Variants in SULF2 observed in about 807,000 individuals in gnomAD.
SULF2 encodes sulfatase 2.
In SULF2, 52 loss-of-function variants were observed where a neutral mutation model predicts 107.7. The observed-to-expected ratio is 0.48, with a 90% CI of 0.39 to 0.61. SULF2 has a LOEUF of 0.61. SULF2 is among the 20% of genes least tolerant of loss of function. The pLI is 0.00. For synonymous variants in SULF2, 460 were observed against 464.3 expected, an observed-to-expected ratio of 0.99 and a Z score of 0.12; for missense variants, 993 against 1,177.3, an observed-to-expected ratio of 0.84 and a Z score of 2.29.
intron 9 of SULF2, 134 bp from the exon 10 acceptor site, chr20:47,676,757 G>T (rs1602617676): frequency 9.4e-7 from 1 of 1,065,530 alleles, no homozygotes. Context: ...AGGGCCACCT[G>T]CCCGGGTCTT....
intron 1 of SULF2, among the ~76,000 whole-genome samples, chr20:47,759,660 C>G (rs1291146316): frequency 6.6e-6 from 1 of 152,190 alleles, no homozygotes; most frequent in Non-Finnish European, 1.5e-5. Flanking sequence ...TCATTGCACT[C>G]CAGCCTGGGT....
At chr20:47,665,408 TC>T in intron 13 of SULF2, 115 bp from the exon 14 acceptor site, 1 of 758,198 alleles carries the variant, frequency 1.3e-6, no homozygotes, top group Non-Finnish European at 2.3e-6. Context: ...CAGCCTGCAC[TC>T]CCCGGGCCCC....
At chr20:47,691,851 AAGCTC>A (rs1267779177) in intron 4 of SULF2, among the ~76,000 whole-genome samples, 1 of 152,218 alleles carries the variant, frequency 6.6e-6, no homozygotes, top group Non-Finnish European at 1.5e-5. Context: ...GAGGCTTTAA[AAGCTC>A]AGCTAAGAAG....
At chr20:47,763,517 G>C (rs1322985219) in intron 1 of SULF2, among the ~76,000 whole-genome samples, 1 of 152,200 alleles carries the variant, frequency 6.6e-6, no homozygotes, top group African/African-American at 2.4e-5. Context: ...TGGTGGGAGA[G>C]GAAGAAGGGG....
chr20:47,773,015 G>A (rs74934901), intron 1 of SULF2, among the ~76,000 whole-genome samples: 5,820 of 152,146 alleles, frequency 0.038, 178 homozygotes, highest in Non-Finnish European at 0.061. Flanking sequence ...ATGGGGTGGC[G>A]CCTGGACTAC....
intron 1 of SULF2, among the ~76,000 whole-genome samples, chr20:47,780,505 C>G (rs1040720830): frequency 6.6e-6 from 1 of 152,200 alleles, no homozygotes; most frequent in Non-Finnish European, 1.5e-5. Context: ...GCCTCCCTGA[C>G]AGCCTGCCTA....
intron 1 of SULF2, among the ~76,000 whole-genome samples, chr20:47,783,395 C>G (rs1568939595): frequency 6.6e-6 from 1 of 152,148 alleles, no homozygotes; most frequent in Non-Finnish European, 1.5e-5. Context: ...ATAAACTAAC[C>G]AGTGCCAGAA....
chr20:47,670,802 G>A (rs138297856), intron 11 of SULF2, among the ~76,000 whole-genome samples: 86 of 151,478 alleles, frequency 5.7e-4, no homozygotes, highest in African/African-American at 2.0e-3. Context: ...GATAGGTTGC[G>A]TACTAGTGGG....
intron 1 of SULF2, among the ~76,000 whole-genome samples, chr20:47,758,224 A>G (rs1226209272): frequency 6.9e-6 from 1 of 145,538 alleles, no homozygotes; most frequent in Non-Finnish European, 1.5e-5. Context: ...GCTGGAGTGC[A>G]ATGACGCCAT....
intron 4 of SULF2, among the ~76,000 whole-genome samples, chr20:47,700,497 A>C (rs1479834028): frequency 6.6e-6 from 1 of 152,166 alleles, no homozygotes; most frequent in African/African-American, 2.4e-5. Context: ...CGTGATCCTC[A>C]AAAACCTTTG....
At position 47,702,499 on chromosome 20, in the gene SULF2, C is replaced by CTTACCT. The variant is rs1253672890; in HGVS notation, c.567+19_567+20insAGGTAA. 1 of 1,608,058 alleles carries CTTACCT rather than the reference C, an allele frequency of 6.2e-7. No individual in the cohort carries two copies. Among genetic ancestry groups the CTTACCT allele is most frequent in the South Asian group, 1.1e-5 (1 of 90,466 alleles). ...GCTGGGCCACACAGCCACTCCCAGG[C>CTTACCT]TGGAAAGGTTGCAGCTTACCTTGGA... On this transcript the variant is annotated intron_variant, in intron 4 of 20. Transcript: ENST00000688720.
chr20:47,722,277 T>C (rs1356170353), intron 3 of SULF2, among the ~76,000 whole-genome samples: 1 of 152,188 alleles, frequency 6.6e-6, no homozygotes. Context: ...TTTTTTTTAT[T>C]CGTTTGAGTT....
intron 3 of SULF2, among the ~76,000 whole-genome samples, chr20:47,709,131 C>T (rs2088840124): frequency 6.6e-6 from 1 of 152,082 alleles, no homozygotes; most frequent in African/African-American, 2.4e-5. Flanking sequence ...GGAGATACAG[C>T]CAAGAGAATG....
At chr20:47,726,709 C>T (rs1281453705) in intron 3 of SULF2, among the ~76,000 whole-genome samples, 1 of 152,208 alleles carries the variant, frequency 6.6e-6, no homozygotes, top group Non-Finnish European at 1.5e-5. Flanking sequence ...CATTTGGCTC[C>T]AGCCTAACTC....
In SULF2 at chr20:47,678,218, G is replaced by A. The variant is rs2087712686; in HGVS notation, c.1193+458C>T. 1 of 157,146 alleles carries A rather than the reference G, an allele frequency of 6.4e-6. No homozygotes were observed. The allele number at this position is 157,146 out of a possible 1,614,324, so 9.7% of individuals were successfully genotyped here. A position where few individuals can be genotyped will look rare whatever the true frequency, so the allele number is the denominator to read the frequency against. ...AATTCCCAGAGCTACATCCAGACTTGCTGGGATACCTCCGACACGTCACTC... is the reference window on the plus strand; with the variant it reads ...AATTCCCAGAGCTACATCCAGACTTACTGGGATACCTCCGACACGTCACTC... On this transcript the variant is annotated intron_variant, in intron 8 of 20. Transcript: ENST00000688720. This position sits in a 1 kb window ranked among gnomAD's most constrained non-coding sequence, Gnocchi z 4.5.
intron 1 of SULF2, among the ~76,000 whole-genome samples, chr20:47,761,135 G>A (rs1930825): frequency 0.61 from 92,699 of 152,088 alleles, 29,476 homozygotes; most frequent in East Asian, 0.88. Flanking sequence ...TGATCCTACC[G>A]CTGCAGCTGT....
In SULF2 at chr20:47,722,055, C is replaced by T. The variant is rs151265192; in HGVS notation, c.415+14648G>A. ...CTTGCCATCACAAAGAGGGAACCTT[C>T]CTAATAAAGCCAACCCAATGACAGA... is the stretch of plus-strand genomic sequence containing the variant. On this transcript the variant is annotated intron_variant, in intron 3 of 20. Transcript: ENST00000688720. Among the ~76,000 whole-genome samples the T allele has an allele frequency of 3.0e-4, 45 of 152,268 alleles. No individual in the cohort carries two copies. The East Asian group carries it at 7.7e-3, about 26-fold the overall frequency.
chr20:47,762,455 C>G (rs2090436744), intron 1 of SULF2, among the ~76,000 whole-genome samples: 2 of 152,220 alleles, frequency 1.3e-5, no homozygotes, highest in Non-Finnish European at 2.9e-5. Context: ...CAATATTTCA[C>G]CCATTTTATG....
chr20:47,743,803 CA>C (rs1360092604), intron 2 of SULF2, among the ~76,000 whole-genome samples: 5 of 152,196 alleles, frequency 3.3e-5, no homozygotes, highest in African/African-American at 1.2e-4. Flanking sequence ...TCCTCTGCTC[CA>C]GTCACATTGA....
Sources: gnomAD v4.1 joint callset for allele counts (sites outside exome capture counted in the v4.1 genomes callset) on GRCh38, gnomAD v4.1.1 for gene constraint, Gnocchi (gnomAD v3.1) non-coding constraint, MANE v1.5 for transcripts, NCBI Gene and HGNC (gene_info 2026-07-23, HGNC 2026-07-21) for gene names.